Variants in TMEFF2 observed in about 807,000 individuals in gnomAD.
TMEFF2 encodes tomoregulin-2.
In TMEFF2, 28 loss-of-function variants were observed where a neutral mutation model predicts 53.8. The observed-to-expected ratio is 0.52, with a 90% CI of 0.39 to 0.71. The LOEUF (loss-of-function observed/expected upper bound fraction) is 0.71, where lower values mean the gene tolerates loss of function less well. Ranked by LOEUF, TMEFF2 falls within the 30% of genes least tolerant of loss-of-function variation. The pLI is 0.00. For missense variants in TMEFF2, 353 were observed against 455.2 expected, an observed-to-expected ratio of 0.78 and a Z score of 2.04; for synonymous variants, 162 against 166.3, an observed-to-expected ratio of 0.97 and a Z score of 0.20.
At chr2:192,011,957 G>A (rs967158077) in intron 5 of TMEFF2, among the ~76,000 whole-genome samples, 4 of 151,960 alleles carry the variant, frequency 2.6e-5, no homozygotes, top group African/African-American at 9.7e-5. Context: ...CGCAGTCTCC[G>A]CTTACTGCAA....
At chr2:192,105,496 G>T (rs1248667988) in intron 4 of TMEFF2, among the ~76,000 whole-genome samples, 1 of 151,840 alleles carries the variant, frequency 6.6e-6, no homozygotes, top group Admixed American at 6.6e-5. Context: ...CTTCGAAGAA[G>T]GTATTGTCAT....
intron 5 of TMEFF2, among the ~76,000 whole-genome samples, chr2:192,018,913 T>G (rs1158508318): frequency 6.6e-6 from 1 of 152,060 alleles, no homozygotes; most frequent in Non-Finnish European, 1.5e-5. Context: ...TGTACTTATG[T>G]GATCAAATAA....
At chr2:192,061,365 CAAAAT>C (rs1355475401) in intron 4 of TMEFF2, among the ~76,000 whole-genome samples, 3 of 151,704 alleles carry the variant, frequency 2.0e-5, no homozygotes, top group African/African-American at 4.8e-5. Context: ...AAAAAAAGTA[CAAAAT>C]AATAATGCAG....
chr2:192,064,205 T>C (rs997802877), intron 4 of TMEFF2, among the ~76,000 whole-genome samples: 1 of 151,810 alleles, frequency 6.6e-6, no homozygotes, highest in African/African-American at 2.4e-5. Flanking sequence ...TTTGTTATTA[T>C]GATGGTGGTT....
intron 3 of TMEFF2, among the ~76,000 whole-genome samples, chr2:192,180,344 ACTT>A (rs1691154960): frequency 6.6e-6 from 1 of 151,312 alleles, no homozygotes; most frequent in African/African-American, 2.4e-5. Flanking sequence ...TTCTTTCACC[ACTT>A]CTTCTCTCCC....
At chr2:192,025,927 T>A (rs954215159) in intron 5 of TMEFF2, among the ~76,000 whole-genome samples, 2 of 152,238 alleles carry the variant, frequency 1.3e-5, no homozygotes, top group African/African-American at 4.8e-5. Flanking sequence ...CACATTTATT[T>A]CTAAACTGCG....
At chr2:192,151,963 T>C (rs1047021413) in intron 4 of TMEFF2, among the ~76,000 whole-genome samples, 2 of 151,808 alleles carry the variant, frequency 1.3e-5, no homozygotes, top group Non-Finnish European at 2.9e-5. Flanking sequence ...TTCAGGAACC[T>C]TGTGAGTCAT....
rs368928481 is a variant in TMEFF2 at position 191,964,333 on chromosome 2, CTTCTTTCTTTCTTTCTTTCT to C, written c.746-7975_746-7956del. ...TTTCTTTCCTTCCTTCCTTTCTTTC[CTTCTTTCTTTCTTTCTTTCT>C]TTCTTTCTTTCTTTCTTTCTCTTTC... On this transcript the variant is annotated intron_variant, in intron 7 of 9. Coordinates refer to ENST00000272771, the MANE Select transcript of TMEFF2 (RefSeq NM_016192.4). Among the ~76,000 whole-genome samples, 17 of 71,490 alleles carry C rather than the reference CTTCTTTCTTTCTTTCTTTCT, an allele frequency of 2.4e-4. 1 individual carries two copies. The highest frequency in any genetic ancestry group is 6.7e-4 in the African/African-American group (13 of 19,260). 46.9% of individuals were successfully genotyped at this position (71,490 alleles called of 152,430 possible).
intron 4 of TMEFF2, among the ~76,000 whole-genome samples, chr2:192,096,179 C>T (rs890452988): frequency 2.6e-5 from 4 of 152,128 alleles, no homozygotes; most frequent in African/African-American, 7.2e-5. Context: ...GACTTGGTCC[C>T]CCATTAATGT....
At chr2:192,072,696 T>C (rs549115598) in intron 4 of TMEFF2, among the ~76,000 whole-genome samples, 1 of 152,106 alleles carries the variant, frequency 6.6e-6, no homozygotes, top group African/African-American at 2.4e-5. Flanking sequence ...TTTGTCTCTA[T>C]ACTCAAATGC....
intron 7 of TMEFF2, among the ~76,000 whole-genome samples, chr2:191,957,763 G>C (rs1471051939): frequency 6.6e-6 from 1 of 152,208 alleles, no homozygotes; most frequent in Non-Finnish European, 1.5e-5. Flanking sequence ...CAAGATACTA[G>C]AGAGCCTGTA....
At chr2:191,954,199 T>C (rs1187426883) in intron 8 of TMEFF2, among the ~76,000 whole-genome samples, 1 of 152,208 alleles carries the variant, frequency 6.6e-6, no homozygotes, top group African/African-American at 2.4e-5. Context: ...CATTCATTTT[T>C]ATAGTTGATT....
At chr2:192,171,203 C>T (rs1265131258) in intron 4 of TMEFF2, among the ~76,000 whole-genome samples, 1 of 151,982 alleles carries the variant, frequency 6.6e-6, no homozygotes, top group East Asian at 1.9e-4. Context: ...TTGACTACAG[C>T]AAAACCTAGG....
chr2:192,168,127 T>C (rs1690815917), intron 4 of TMEFF2, among the ~76,000 whole-genome samples: 1 of 152,126 alleles, frequency 6.6e-6, no homozygotes, highest in East Asian at 1.9e-4. Context: ...CCATATATCT[T>C]TGAGTATTTC....
At chr2:192,152,639 A>G (rs1230023248) in intron 4 of TMEFF2, among the ~76,000 whole-genome samples, 3 of 151,952 alleles carry the variant, frequency 2.0e-5, no homozygotes, top group Non-Finnish European at 2.9e-5. Context: ...CTATGAATCT[A>G]TTTTAATAAA....
intron 5 of TMEFF2, among the ~76,000 whole-genome samples, chr2:192,053,245 T>C (rs1574329715): frequency 6.6e-6 from 1 of 152,174 alleles, no homozygotes; most frequent in Non-Finnish European, 1.5e-5. Flanking sequence ...TTCCCCTATT[T>C]ATTAATTTTT....
chr2:192,006,932 G>C (rs1295038182), intron 5 of TMEFF2, among the ~76,000 whole-genome samples: 1 of 152,100 alleles, frequency 6.6e-6, no homozygotes, highest in Non-Finnish European at 1.5e-5. Flanking sequence ...CTAAGACTAA[G>C]AGATTTTCCA....
chr2:192,129,223 A>G (rs879060715), intron 4 of TMEFF2, among the ~76,000 whole-genome samples: 1 of 152,148 alleles, frequency 6.6e-6, no homozygotes, highest in Admixed American at 6.5e-5. Context: ...TCAAGCACAT[A>G]TTCTGGATTG....
intron 4 of TMEFF2, among the ~76,000 whole-genome samples, chr2:192,088,266 A>T (rs1274329772): frequency 6.6e-6 from 1 of 152,068 alleles, no homozygotes; most frequent in Non-Finnish European, 1.5e-5. Context: ...CCATGAAGGG[A>T]TGTAGAAGAC....
Sources: allele counts gnomAD v4.1 joint callset (sites outside exome capture counted in the v4.1 genomes callset), GRCh38; gene constraint gnomAD v4.1.1; transcripts MANE v1.5; gene names NCBI Gene and HGNC (gene_info 2026-07-23, HGNC 2026-07-21).